ZBTB38: variants seen among roughly 807,000 people sequenced by gnomAD.
ZBTB38 encodes zinc finger and BTB domain containing 38.
A neutral mutation model predicts 76.8 loss-of-function variants in ZBTB38; 20 were observed. That is an observed-to-expected ratio of 0.26 (90% confidence interval 0.18 to 0.38). ZBTB38 has a LOEUF of 0.38. Among genes scored for constraint, ZBTB38 ranks in the 10% least tolerant of loss-of-function variants. The pLI, the probability that ZBTB38 is intolerant of heterozygous loss-of-function variation, is 1.00. For synonymous variants in ZBTB38, 504 were observed against 544.2 expected (o/e 0.93, Z 1.03); for missense variants, 1,082 against 1,482.3 (o/e 0.73, Z 4.43).
At chr3:141,364,450 G>C (rs1943902884), upstream of ZBTB38, among the ~76,000 whole-genome samples, 2 of 151,876 alleles carry the variant, frequency 1.3e-5, no homozygotes, top group African/African-American at 2.4e-5. Context: ...GGCTGAGGCA[G>C]GGAGATCACC....
chr3:141,349,822 G>T (rs1382141245), intron 1 of ZBTB38, among the ~76,000 whole-genome samples: 2 of 151,978 alleles, frequency 1.3e-5, no homozygotes, highest in African/African-American at 4.8e-5. Context: ...CAGAAGGGAA[G>T]AAAGAAACCC....
In ZBTB38 at chr3:141,353,860, G is replaced by A. The variant is rs552353886; in HGVS notation, c.-738-14761G>A. On this transcript the variant is annotated intron_variant, in intron 1 of 7. Coordinates refer to the ZBTB38 transcript ENST00000509842. Reference sequence around the variant, plus strand: ...TTCTTGGAAGCTATCCTGGACTCCAGCAGTTATCTCCAGGAACACTCTAGT... The same window carrying A: ...TTCTTGGAAGCTATCCTGGACTCCAACAGTTATCTCCAGGAACACTCTAGT... Among the ~76,000 whole-genome samples, 28 of 152,224 alleles carry A rather than the reference G, an allele frequency of 1.8e-4. No individual in the cohort carries two copies. In the East Asian group the frequency reaches 5.0e-3, roughly 27 times the overall value.
At chr3:141,421,890 AC>A (rs2075462548) in intron 5 of ZBTB38, among the ~76,000 whole-genome samples, 1 of 152,194 alleles carries the variant, frequency 6.6e-6, no homozygotes, top group South Asian at 2.1e-4. Context: ...ATGACTGGCT[AC>A]CTGGGACCCA....
At chr3:141,364,184 T>C (rs1576685948), upstream of ZBTB38, among the ~76,000 whole-genome samples, 1 of 151,768 alleles carries the variant, frequency 6.6e-6, no homozygotes, top group South Asian at 2.1e-4. Context: ...CCCAGCACTT[T>C]GGGAGGCTGA....
At position 141,444,807 on chromosome 3, in the gene ZBTB38, A is replaced by C. The variant is rs1251727858; in HGVS notation, c.2419A>C (p.Asn807His). The change falls in exon 6 of 6, where the codon AAT becomes CAT. Residue 807 changes from asparagine (N) to histidine (H), a missense_variant. Coordinates refer to ENST00000321464, the MANE Select transcript of ZBTB38 (RefSeq NM_001376113.1). This position sits in a 1 kb window ranked among gnomAD's most constrained non-coding sequence, Gnocchi z 5.1. ...DPGGSLSKTT[N>H]IAEETSKIET... is the part of the protein sequence containing the mutation. ...TGGAGGATCACTGAGCAAAACCACA[A>C]ATATTGCTGAAGAAACCAGCAAAAT... 6.2e-7 allele frequency: 1 copy of C among 1,614,162 alleles called. No individual in the cohort carries two copies. Among genetic ancestry groups the C allele is most frequent in the Non-Finnish European group, 8.5e-7 (1 of 1,180,036 alleles).
chr3:141,426,917 C>T (rs1489160674), intron 5 of ZBTB38, among the ~76,000 whole-genome samples: 1 of 152,052 alleles, frequency 6.6e-6, no homozygotes, highest in Non-Finnish European at 1.5e-5. Flanking sequence ...CAGTGGATAG[C>T]TCTGTTTTAT....
chr3:141,369,013 A>AC (rs35626729), intron 1 of ZBTB38, among the ~76,000 whole-genome samples: 22 of 151,062 alleles, frequency 1.5e-4, no homozygotes, highest in African/African-American at 5.4e-4. Context: ...AAAAAAAAAA[A>AC]CAATACTAAG....
intron 4 of ZBTB38, chr3:141,402,499 AGGCGCGGCCTGCGGGCGCGGCGCCCGT>A (rs1952480126): frequency 2.1e-5 from 3 of 144,974 alleles, no homozygotes; most frequent in Admixed American, 2.0e-4. Context: ...GGGCGGGGCG[AGGCGCGGCCTGCGGGCGCGGCGCCCGT>A]GGCGCCGCCA....
At chr3:141,335,049 G>A (rs193068517) in intron 1 of ZBTB38, among the ~76,000 whole-genome samples, 4 of 152,118 alleles carry the variant, frequency 2.6e-5, no homozygotes, top group Admixed American at 6.5e-5. Context: ...CTCTGCTGCC[G>A]ACACTACCGC....
chr3:141,405,376 C>T (rs1954011433), intron 5 of ZBTB38, among the ~76,000 whole-genome samples: 1 of 152,208 alleles, frequency 6.6e-6, no homozygotes, highest in African/African-American at 2.4e-5. Flanking sequence ...TTTCACACTT[C>T]TCTTTAAAAT....
Position 141,445,366 on chromosome 3 carries a change from T to G in ZBTB38, c.2978T>G (p.Val993Gly). The change falls in exon 6 of 6, where the codon GTG becomes GGG. Residue 993 changes from valine (V) to glycine (G), a missense_variant. Val to Gly is a moderately radical substitution (Grantham distance 109). This residue lies in a region of ZBTB38 where 471 missense variants were observed against 581.0 expected (regional missense o/e 0.81). Transcript: ENST00000321464. This position sits in a 1 kb window ranked among gnomAD's most constrained non-coding sequence, Gnocchi z 6.5. The part of the protein sequence containing the change: ...QCELCDGDKA[V>G]GAGNQGRPHR... ...GAACTCTGTGATGGAGACAAAGCAGTGGGGGCTGGAAACCAAGGAAGGCCC... is the reference window on the plus strand; with the variant it reads ...GAACTCTGTGATGGAGACAAAGCAGGGGGGGCTGGAAACCAAGGAAGGCCC... The G allele has an allele frequency of 6.2e-7, 1 of 1,614,028 alleles. No individual in the cohort carries two copies. Among genetic ancestry groups the G allele is most frequent in the Non-Finnish European group, 8.5e-7 (1 of 1,179,984 alleles).
At position 141,346,456 on chromosome 3, in the gene ZBTB38, ACCC is replaced by A. The variant is rs1242050268; in HGVS notation, c.-739+22001_-739+22003del. 7.3e-5 allele frequency among the ~76,000 whole-genome samples: 11 copies of A among 151,680 alleles called. No homozygotes were observed. The East Asian group carries it at 2.1e-3, about 29-fold the overall frequency. ...CACCCTTTCTCCTTTCCTCCCTTCTACCCATTTTTGTTATAATTATTTAGAATT... is the reference window on the plus strand; with the variant it reads ...CACCCTTTCTCCTTTCCTCCCTTCTAATTTTTGTTATAATTATTTAGAATT... On this transcript the variant is annotated intron_variant, in intron 1 of 7. Coordinates refer to the ZBTB38 transcript ENST00000509842.
intron 1 of ZBTB38, among the ~76,000 whole-genome samples, chr3:141,328,424 T>C (rs375822624): frequency 1.8e-4 from 27 of 152,152 alleles, no homozygotes; most frequent in African/African-American, 6.5e-4. Flanking sequence ...TCTTAATCTC[T>C]CTTTCTGTGA....
chr3:141,376,168 G>T (rs1945328957), intron 2 of ZBTB38, among the ~76,000 whole-genome samples: 1 of 151,954 alleles, frequency 6.6e-6, no homozygotes, highest in Admixed American at 6.6e-5. Context: ...GCCCACCAAG[G>T]CATCACTTGA....
intron 4 of ZBTB38, among the ~76,000 whole-genome samples, chr3:141,400,257 A>T (rs897423018): frequency 8.5e-5 from 13 of 152,168 alleles, no homozygotes; most frequent in Admixed American, 4.6e-4. Flanking sequence ...GTGTTGTTTA[A>T]AACTGTTGCT....
In ZBTB38 at chr3:141,449,738, G is replaced by A. The variant is rs1337895375; in HGVS notation, c.*3762G>A. On this transcript the variant is annotated 3_prime_UTR_variant, in exon 6 of 6. Transcript: ENST00000321464. ...AACTTCATTATGTACAAGAACAACA[G>A]ATTTAATATTGAAAGCATCTGTAAC... The A allele has an allele frequency of 1.3e-5, 2 of 152,142 alleles. No homozygotes were observed. Among genetic ancestry groups the A allele is most frequent in the Non-Finnish European group, 2.9e-5 (2 of 68,020 alleles). The allele number at this position is 152,142 out of a possible 1,614,324, so 9.4% of individuals were successfully genotyped here.
At chr3:141,342,139 A>T (rs541050169) in intron 1 of ZBTB38, among the ~76,000 whole-genome samples, 1 of 152,308 alleles carries the variant, frequency 6.6e-6, no homozygotes, top group South Asian at 2.1e-4. Context: ...ATCCTGGCCA[A>T]CATGGTGAAA....
intron 5 of ZBTB38, among the ~76,000 whole-genome samples, chr3:141,431,341 A>AAATATATATATATATATATATATATATAT: frequency 9.7e-6 from 1 of 103,286 alleles, no homozygotes; most frequent in Non-Finnish European, 1.7e-5. Context: ...AAAAAAAAAA[A>AAATATATATATATATATATATATATATAT]ATATATATAT....
chr3:141,392,175 T>C (rs1949077433), intron 4 of ZBTB38, among the ~76,000 whole-genome samples: 2 of 152,198 alleles, frequency 1.3e-5, no homozygotes, highest in African/African-American at 4.8e-5. Context: ...TTATACTTCG[T>C]TGGGTTTTGA....
Sources: allele counts gnomAD v4.1 joint callset (sites outside exome capture counted in the v4.1 genomes callset), GRCh38; gene constraint gnomAD v4.1.1; regional missense constraint gnomAD v4.1.1; non-coding constraint Gnocchi (gnomAD v3.1); transcripts MANE v1.5; gene names NCBI Gene and HGNC (gene_info 2026-07-23, HGNC 2026-07-21).